Variants in APIP observed in about 807,000 individuals in gnomAD.
APIP encodes the protein APAF1 interacting protein.
In APIP, 32 loss-of-function variants were observed where a neutral mutation model predicts 32.0. That is an observed-to-expected ratio of 1.00 (90% CI 0.76 to 1.34). APIP has a LOEUF of 1.34. APIP is among the 40% of genes most tolerant of loss of function. The pLI is 0.00. For synonymous variants in APIP, 92 were observed against 94.8 expected (o/e 0.97, Z 0.17); for missense variants, 247 against 298.6 (o/e 0.83, Z 1.27).
intron 2 of APIP, among the ~76,000 whole-genome samples, chr11:34,892,932 A>C (rs1467059739): frequency 1.3e-5 from 2 of 152,150 alleles, no homozygotes; most frequent in South Asian, 2.1e-4. Flanking sequence ...AGGGAAAAAA[A>C]CCAACATTTT....
At chr11:34,916,089 G>C in intron 1 of APIP, 139 bp downstream of exon 1, 1 of 1,130,260 alleles carries the variant, frequency 8.8e-7, no homozygotes. Flanking sequence ...GCGGTGCGCC[G>C]GGGTAGCGAA....
At chr11:34,905,539 A>T (rs906638911) in intron 1 of APIP, among the ~76,000 whole-genome samples, 1 of 152,230 alleles carries the variant, frequency 6.6e-6, no homozygotes, top group African/African-American at 2.4e-5. Context: ...AAGACTGAGT[A>T]ACAGCAAATG....
intron 1 of APIP, among the ~76,000 whole-genome samples, chr11:34,905,666 G>C (rs755983752): frequency 6.6e-6 from 1 of 152,144 alleles, no homozygotes; most frequent in Admixed American, 6.5e-5. Context: ...GTGCAACAAG[G>C]GTGATCTAAA....
At position 34,892,009 on chromosome 11, in the gene APIP, C is replaced by T. The variant is rs573766793; in HGVS notation, c.159-1457G>A. Among the ~76,000 whole-genome samples the T allele has an allele frequency of 2.6e-5, 4 of 152,208 alleles. No homozygotes were observed. The South Asian group carries it at 8.3e-4, about 32-fold the overall frequency. On this transcript the variant is annotated intron_variant, in intron 2 of 6. Coordinates refer to ENST00000395787, the MANE Select transcript of APIP (RefSeq NM_015957.4). The stretch of plus-strand genomic sequence containing the variant: ...CTCAAATAAAGTACAAAATGGTCTG[C>T]TGGTAAGTAAAACCCATCTATAAAG...
intron 1 of APIP, among the ~76,000 whole-genome samples, chr11:34,901,886 C>T (rs1853375990): frequency 6.6e-6 from 1 of 152,110 alleles, no homozygotes; most frequent in African/African-American, 2.4e-5. Flanking sequence ...GACAGTATCC[C>T]CTGAGCCCAG....
chr11:34,895,258 A>G, intron 1 of APIP, 148 bp from the exon 2 acceptor site: 1 of 706,550 alleles, frequency 1.4e-6, no homozygotes, highest in Non-Finnish European at 2.3e-6. Context: ...TATTACAAAC[A>G]TATTTTGTTT....
chr11:34,894,990 A>G lies in APIP; in HGVS notation c.158+20T>C. 1 of 1,597,498 alleles carries G rather than the reference A, an allele frequency of 6.3e-7. No homozygotes were observed. The highest frequency in any genetic ancestry group is 1.1e-5 in the South Asian group (1 of 90,768). On this transcript the variant is annotated intron_variant, in intron 2 of 6. Coordinates refer to ENST00000395787, the MANE Select transcript of APIP (RefSeq NM_015957.4). ...ACTCAAATGGAGAGTTCCCAGTAAT[A>G]AAGGCTGCCAGAAACTTACCCATGC...
In APIP at chr11:34,907,416, G is replaced by A. The variant is rs375279438; in HGVS notation, c.57+8812C>T. Among the ~76,000 whole-genome samples the A allele has an allele frequency of 6.4e-4, 97 of 152,192 alleles. No individual in the cohort carries two copies. The South Asian group carries it at 0.019, about 30-fold the overall frequency. ...TCTCTTTTGTCTTTTCCAGTGCTGC[G>A]ATATTACAGCAATTAGCCAGCTTCA... On this transcript the variant is annotated intron_variant, in intron 1 of 6. Transcript: ENST00000395787.
chr11:34,905,199 A>G (rs1487120660), intron 1 of APIP, among the ~76,000 whole-genome samples: 1 of 152,252 alleles, frequency 6.6e-6, no homozygotes, highest in African/African-American at 2.4e-5. Context: ...GGAAGTAAAC[A>G]TGAGCGTTTT....
At position 34,915,896 on chromosome 11, in the gene APIP, C is replaced by T. The variant is rs542669183; in HGVS notation, c.57+332G>A. On this transcript the variant is annotated intron_variant, in intron 1 of 6. Coordinates refer to ENST00000395787, the MANE Select transcript of APIP (RefSeq NM_015957.4). ...TCTTCGCCCCAGCTCCACTTCGGTG[C>T]TTCACGATTCCTTCTCTGGCCTGCC... 1.0e-3 allele frequency: 431 copies of T among 417,396 alleles called. 4 individuals carry two copies. Among genetic ancestry groups the T allele is most frequent in the African/African-American group, 8.3e-3 (394 of 47,718 alleles). The allele number at this position is 417,396 out of a possible 1,614,324, so 25.9% of individuals were successfully genotyped here.
chr11:34,909,046 A>T (rs1264153802), intron 1 of APIP, among the ~76,000 whole-genome samples: 1 of 152,222 alleles, frequency 6.6e-6, no homozygotes, highest in Admixed American at 6.5e-5. Flanking sequence ...AGAAAGCAAA[A>T]GCCCAGAAGA....
In APIP at chr11:34,916,210, C is replaced by T. The variant is rs774655472; in HGVS notation, c.57+18G>A. On this transcript the variant is annotated intron_variant, in intron 1 of 6. Coordinates refer to ENST00000395787, the MANE Select transcript of APIP (RefSeq NM_015957.4). ...CTCTCCTCCTGGGAATACCGGGCAC[C>T]GGTGGCCCCGCCCCTACCTGCGCGC... 7.8e-5 allele frequency: 126 copies of T among 1,605,958 alleles called. No homozygotes were observed. The East Asian group carries it at 2.8e-3, about 35-fold the overall frequency.
chr11:34,891,393 A>C (rs1776338351), intron 2 of APIP, among the ~76,000 whole-genome samples: 1 of 152,176 alleles, frequency 6.6e-6, no homozygotes, highest in African/African-American at 2.4e-5. Context: ...TTGATAACTT[A>C]CCAGTTTCAG....
At chr11:34,908,741 G>A (rs1196265383) in intron 1 of APIP, among the ~76,000 whole-genome samples, 1 of 152,174 alleles carries the variant, frequency 6.6e-6, no homozygotes, top group African/African-American at 2.4e-5. Context: ...TCTTATATCT[G>A]TCTTAATGAA....
intron 1 of APIP, among the ~76,000 whole-genome samples, chr11:34,895,743 T>C (rs1853258378): frequency 9.3e-6 from 1 of 107,774 alleles, no homozygotes; most frequent in Non-Finnish European, 2.2e-5. Context: ...TGAGTGTATG[T>C]GTGTGTATAC....
chr11:34,883,499 T>C lies in APIP; in HGVS notation c.467A>G (p.Asp156Gly), dbSNP rs1357858235. The C allele has an allele frequency of 6.2e-7, 1 of 1,613,246 alleles. No individual in the cohort carries two copies. The highest frequency in any genetic ancestry group is 2.2e-5 in the East Asian group (1 of 44,874). The change falls in exon 6 of 7, where the codon GAT becomes GGT. Residue 156 changes from aspartate to glycine, a missense_variant. Transcript: ENST00000395787. ...KCTSGGYYRYDDMLVVPIIEN... is the reference protein window; with the variant it reads ...KCTSGGYYRYGDMLVVPIIEN... Reference sequence around the variant, plus strand: ...AATAATGGGTACCACTAACATATCATCATATCTGTAAGACAAAACAAGCCA... The same window carrying C: ...AATAATGGGTACCACTAACATATCACCATATCTGTAAGACAAAACAAGCCA...
chr11:34,887,047 C>T lies in APIP; in HGVS notation c.461+1246G>A, dbSNP rs117265694. 2.7e-3 allele frequency among the ~76,000 whole-genome samples: 405 copies of T among 152,252 alleles called. 1 individual carries two copies. The highest frequency in any genetic ancestry group is 4.5e-3 in the Non-Finnish European group (306 of 67,996). On this transcript the variant is annotated intron_variant, in intron 5 of 6. Coordinates refer to ENST00000395787, the MANE Select transcript of APIP (RefSeq NM_015957.4). ...TCTTACCTCATCCAGCTTTCATTGC[C>T]TTTCTTTTGATTAGACTCAGGATTC...
intron 1 of APIP, among the ~76,000 whole-genome samples, chr11:34,907,781 T>C (rs1185407698): frequency 6.6e-6 from 1 of 152,234 alleles, no homozygotes; most frequent in Non-Finnish European, 1.5e-5. Context: ...GTAGAGGTTC[T>C]ACAGTGAGGA....
chr11:34,889,726 C>T (rs951514516), intron 3 of APIP, among the ~76,000 whole-genome samples: 1 of 152,060 alleles, frequency 6.6e-6, no homozygotes, highest in African/African-American at 2.4e-5. Context: ...TAAGTGAGAA[C>T]ATGCGGTATT....
Sources: gnomAD v4.1 joint callset for allele counts (sites outside exome capture counted in the v4.1 genomes callset) on GRCh38, gnomAD v4.1.1 for gene constraint, MANE v1.5 for transcripts, NCBI Gene and HGNC (gene_info 2026-07-23, HGNC 2026-07-21) for gene names.